PSCA: variants seen among roughly 807,000 people sequenced by gnomAD.
PSCA encodes the protein prostate stem cell antigen.
A neutral mutation model predicts 7.9 loss-of-function variants in PSCA; 7 were observed. That is an observed-to-expected ratio of 0.89 (90% confidence interval 0.51 to 1.67). The LOEUF (loss-of-function observed/expected upper bound fraction) is 1.67, where lower values mean the gene tolerates loss of function less well. Among genes scored for constraint, PSCA ranks in the 40% most tolerant of loss-of-function variants. The pLI is 0.00. For missense variants in PSCA, 151 were observed against 147.9 expected, an observed-to-expected ratio of 1.02 and a Z score of -0.11; for synonymous variants, 61 against 68.3, an observed-to-expected ratio of 0.89 and a Z score of 0.53.
upstream of PSCA, among the ~76,000 whole-genome samples, chr8:142,678,359 GACCTA>G (rs1554637989): frequency 6.6e-6 from 1 of 152,206 alleles, no homozygotes. Flanking sequence ...GACCACAGTG[GACCTA>G]CCAGCTTCCG....
In PSCA at chr8:142,673,404, G is replaced by A. The variant is rs1426118313; in HGVS notation, n.261+2836G>A. The stretch of plus-strand genomic sequence containing the variant: ...ACGGAACCTTGGGCCTCTTCTCGAG[G>A]ACCAAGTCCATTCTGACACTGGGAG... On this transcript the variant is annotated intron_variant and non_coding_transcript_variant, in intron 1 of 1. Transcript: ENST00000505305. The surrounding 1 kb of genome is among the most constrained non-coding windows in gnomAD (Gnocchi z 4.6). Among the ~76,000 whole-genome samples the A allele has an allele frequency of 8.5e-5, 13 of 152,092 alleles. No homozygotes were observed. The highest frequency in any genetic ancestry group is 2.7e-4 in the African/African-American group (11 of 41,412).
intron 2 of PSCA, 145 bp from the exon 3 acceptor site, chr8:142,681,776 C>T (rs587764055): frequency 1.5e-6 from 1 of 654,194 alleles, no homozygotes; most frequent in South Asian, 1.9e-5. Context: ...AGGGCCGAGA[C>T]CAGGCCCTCG....
At chr8:142,671,629 G>A (rs1007695824) in intron 1 of PSCA, among the ~76,000 whole-genome samples, 16 of 152,088 alleles carry the variant, frequency 1.1e-4, no homozygotes, top group African/African-American at 3.1e-4. Context: ...TCTCCTCACC[G>A]CAGCTTCAAC....
upstream of PSCA, among the ~76,000 whole-genome samples, chr8:142,678,047 A>G (rs1322701341): frequency 6.6e-6 from 1 of 152,132 alleles, no homozygotes; most frequent in African/African-American, 2.4e-5. Context: ...CCCAGACTCA[A>G]GGTGAGACAG....
At chr8:142,670,940 T>C (rs1554637319) in intron 1 of PSCA, among the ~76,000 whole-genome samples, 1 of 152,214 alleles carries the variant, frequency 6.6e-6, no homozygotes, top group East Asian at 1.9e-4. Context: ...GGCTTCGTAT[T>C]TGCATATAAC....
At chr8:142,676,837 C>T (rs1451555557), upstream of PSCA, among the ~76,000 whole-genome samples, 2 of 152,212 alleles carry the variant, frequency 1.3e-5, no homozygotes, top group Non-Finnish European at 2.9e-5. Context: ...TCACATCAGC[C>T]TCTCAGCCCC....
Position 142,673,078 on chromosome 8 carries a change from A to G in PSCA, n.261+2510A>G, listed in dbSNP as rs1276736072. ...ACAACTGCTGGCATTCACGCGTGCA[A>G]GCTTCCAGCTTGCTTGTCTTATGTT... On this transcript the variant is annotated intron_variant and non_coding_transcript_variant, in intron 1 of 1. Coordinates refer to the PSCA transcript ENST00000505305. The surrounding 1 kb of genome is among the most constrained non-coding windows in gnomAD (Gnocchi z 4.6). Among the ~76,000 whole-genome samples, 2 of 152,184 alleles carry G rather than the reference A, an allele frequency of 1.3e-5. No homozygotes were observed. The highest frequency in any genetic ancestry group is 2.4e-5 in the African/African-American group (1 of 41,446).
upstream of PSCA, among the ~76,000 whole-genome samples, chr8:142,679,616 A>C (rs587762477): frequency 7.9e-5 from 12 of 152,332 alleles, no homozygotes; most frequent in East Asian, 2.3e-3. Flanking sequence ...TTAGTCCAGA[A>C]AGGTGGGCAG....
intron 2 of PSCA, 64 bp from the exon 3 acceptor site, chr8:142,681,857 C>G (rs1814648547): frequency 1.6e-6 from 2 of 1,242,026 alleles, no homozygotes; most frequent in Non-Finnish European, 2.2e-6. Flanking sequence ...AGGAGGAGGC[C>G]TGGGGCAGGT....
At position 142,680,670 on chromosome 8, in the gene PSCA, G is replaced by C. The variant is rs879984287; in HGVS notation, c.25+107G>C. 3.5e-6 allele frequency: 5 copies of C among 1,422,266 alleles called. No individual in the cohort carries two copies. The Admixed American group carries it at 1.0e-4, about 28-fold the overall frequency. The allele number at this position is 1,422,266 out of a possible 1,614,324, so 88.1% of individuals were successfully genotyped here. A position where few individuals can be genotyped will look rare whatever the true frequency, so the allele number is the denominator to read the frequency against. ...AGAGGAGGGGAAGGAAGGAGGAAGG[G>C]AGAGGAAGGGGGTGAGGCTCTTGCC... On this transcript the variant is annotated intron_variant, in intron 1 of 2. Coordinates refer to ENST00000301258, the MANE Select transcript of PSCA (RefSeq NM_005672.5).
chr8:142,670,973 G>A (rs78181365), intron 1 of PSCA, among the ~76,000 whole-genome samples: 6 of 152,134 alleles, frequency 3.9e-5, no homozygotes, highest in Non-Finnish European at 7.3e-5. Flanking sequence ...TCCCGTATAC[G>A]TTAAGTCACT....
rs879959091 is a variant in PSCA at position 142,682,143 on chromosome 8, G to A, written c.*11G>A. ...CCCGGCCAGCTCTAGGCTCTGGGGG[G>A]CCCCGCTGCAGCCCACACTGGGTGT... is the stretch of plus-strand genomic sequence containing the variant. On this transcript the variant is annotated 3_prime_UTR_variant, in exon 3 of 3. Transcript: ENST00000301258. 1.6e-5 allele frequency: 26 copies of A among 1,592,356 alleles called. No homozygotes were observed. The highest frequency in any genetic ancestry group is 2.7e-5 in the African/African-American group (2 of 74,770).
chr8:142,678,823 C>T (rs1847428307), upstream of PSCA, among the ~76,000 whole-genome samples: 1 of 151,986 alleles, frequency 6.6e-6, no homozygotes, highest in South Asian at 2.1e-4. Context: ...TAGCTACTGC[C>T]ACCAACACTC....
In PSCA at chr8:142,673,808, G is replaced by A. The variant is rs1847363759; in HGVS notation, n.261+3240G>A. Among the ~76,000 whole-genome samples, 3 of 152,202 alleles carry A rather than the reference G, an allele frequency of 2.0e-5. No individual in the cohort carries two copies. The highest frequency in any genetic ancestry group is 2.9e-5 in the Non-Finnish European group (2 of 68,038). Reference sequence around the variant, plus strand: ...CATTAGACGTGCAAAAACCTGAAACGACATCTCACAAGGCCAATCTTAGGA... The same window carrying A: ...CATTAGACGTGCAAAAACCTGAAACAACATCTCACAAGGCCAATCTTAGGA... On this transcript the variant is annotated intron_variant and non_coding_transcript_variant, in intron 1 of 1. Coordinates refer to the PSCA transcript ENST00000505305. This position sits in a 1 kb window ranked among gnomAD's most constrained non-coding sequence, Gnocchi z 4.6.
At position 142,682,157 on chromosome 8, in the gene PSCA, C is replaced by G; in HGVS notation, c.*25C>G. 3 of 1,582,770 alleles carry G rather than the reference C, an allele frequency of 1.9e-6. No individual in the cohort carries two copies. Among genetic ancestry groups the G allele is most frequent in the Non-Finnish European group, 2.6e-6 (3 of 1,171,222 alleles). On this transcript the variant is annotated 3_prime_UTR_variant, in exon 3 of 3. Transcript: ENST00000301258. ...GGCTCTGGGGGGCCCCGCTGCAGCC[C>G]ACACTGGGTGTGGTGCCCCAGGCCT...
At position 142,680,571 on chromosome 8, in the gene PSCA, C is replaced by T; in HGVS notation, c.25+8C>T. ...GCTTGGCCCTGCAGCCAGGTGAGGC[C>T]TTGGCTGGCCCCCAGCAGGGAAGGG... On this transcript the variant is annotated splice_region_variant and intron_variant, in intron 1 of 2. Transcript: ENST00000301258. 6.4e-7 allele frequency: 1 copy of T among 1,553,994 alleles called. No individual in the cohort carries two copies. Among genetic ancestry groups the T allele is most frequent in the Non-Finnish European group, 8.7e-7 (1 of 1,148,314 alleles).
Position 142,682,697 on chromosome 8 carries a change from C to A in PSCA, c.*565C>A. The A allele has an allele frequency of 6.3e-6, 2 of 319,784 alleles. No homozygotes were observed. The highest frequency in any genetic ancestry group is 3.9e-5 in the Admixed American group (1 of 25,440). The allele number at this position is 319,784 out of a possible 1,614,324, so 19.8% of individuals were successfully genotyped here. A position where few individuals can be genotyped will look rare whatever the true frequency, so the allele number is the denominator to read the frequency against. On this transcript the variant is annotated 3_prime_UTR_variant, in exon 3 of 3. Coordinates refer to ENST00000301258, the MANE Select transcript of PSCA (RefSeq NM_005672.5). ...AATGGCAGCCTCAGCACAGCGTAGGCCCTTAATAAACACCTGTTGGATAAG... is the reference window on the plus strand; with the variant it reads ...AATGGCAGCCTCAGCACAGCGTAGGACCTTAATAAACACCTGTTGGATAAG...
chr8:142,677,814 T>A (rs1341122201), upstream of PSCA, among the ~76,000 whole-genome samples: 1 of 152,110 alleles, frequency 6.6e-6, no homozygotes, highest in Non-Finnish European at 1.5e-5. Context: ...TAAGTTCCTG[T>A]CCCTCTTGGG....
At chr8:142,680,890 A>T (rs1847454981) in intron 1 of PSCA, 1 of 534,032 alleles carries the variant, frequency 1.9e-6, no homozygotes, top group Non-Finnish European at 3.4e-6. Flanking sequence ...AGGAGCTGGG[A>T]GACATGGGAC....
Sources: gnomAD v4.1 joint callset for allele counts (sites outside exome capture counted in the v4.1 genomes callset) on GRCh38, gnomAD v4.1.1 for gene constraint, Gnocchi (gnomAD v3.1) non-coding constraint, MANE v1.5 for transcripts, NCBI Gene and HGNC (gene_info 2026-07-23, HGNC 2026-07-21) for gene names.